Variants in CTNNA2 observed in about 807,000 individuals in gnomAD.
The protein encoded by CTNNA2 is catenin alpha 2.
Under a neutral mutation model 101.0 loss-of-function variants are expected in CTNNA2, and 42 were observed. That is an observed-to-expected ratio of 0.42 (90% confidence interval 0.32 to 0.54). The LOEUF is 0.54. Ranked by LOEUF, CTNNA2 falls within the 20% of genes least tolerant of loss-of-function variation. The pLI is 0.14. For synonymous variants in CTNNA2, 450 were observed against 456.4 expected (o/e 0.99, Z 0.18); for missense variants, 871 against 1,223.1 (o/e 0.71, Z 4.29).
At chr2:80,530,520 C>T (rs1485432525) in intron 9 of CTNNA2, among the ~76,000 whole-genome samples, 1 of 152,138 alleles carries the variant, frequency 6.6e-6, no homozygotes, top group Admixed American at 6.6e-5. Flanking sequence ...GGGAGACCTT[C>T]CTGATGGGTT....
At chr2:80,629,189 TATATC>T (rs1386399925) in intron 18 of CTNNA2, among the ~76,000 whole-genome samples, 2 of 152,060 alleles carry the variant, frequency 1.3e-5, no homozygotes, top group African/African-American at 2.4e-5. Flanking sequence ...CTCCGGTTCT[TATATC>T]ATGTCTACCC....
chr2:80,581,469 A>G (rs1280854041), intron 13 of CTNNA2, among the ~76,000 whole-genome samples: 2 of 152,202 alleles, frequency 1.3e-5, no homozygotes, highest in Non-Finnish European at 2.9e-5. Context: ...TGCAAGTTAG[A>G]CTTACTATAC....
chr2:79,581,860 T>A (rs1676166902), intron 1 of CTNNA2, among the ~76,000 whole-genome samples: 1 of 152,262 alleles, frequency 6.6e-6, no homozygotes. Context: ...ACATTTTGTT[T>A]CTTTCTTAAT....
intron 3 of CTNNA2, among the ~76,000 whole-genome samples, chr2:79,350,815 C>T (rs1291118594): frequency 6.6e-6 from 1 of 152,092 alleles, no homozygotes; most frequent in African/African-American, 2.4e-5. Context: ...TTTTGACTTA[C>T]TAATAATCGT....
intron 7 of CTNNA2, among the ~76,000 whole-genome samples, chr2:79,961,638 C>T (rs957687623): frequency 3.3e-5 from 5 of 151,458 alleles, no homozygotes; most frequent in African/African-American, 9.7e-5. Context: ...CTGGCTAACA[C>T]GGTGAAACCC....
chr2:80,481,791 C>T (rs145757102), intron 9 of CTNNA2, among the ~76,000 whole-genome samples: 36 of 152,106 alleles, frequency 2.4e-4, no homozygotes, highest in Middle Eastern at 3.4e-3. Flanking sequence ...AGGTTTAATG[C>T]CTCCTTTTAA....
chr2:79,610,191 G>A (rs531626464), intron 1 of CTNNA2, among the ~76,000 whole-genome samples: 163 of 152,016 alleles, frequency 1.1e-3, no homozygotes, highest in Non-Finnish European at 1.8e-3. Context: ...TGGTCACTAA[G>A]GATATGTAAA....
chr2:80,246,456 T>C (rs1671336768), intron 7 of CTNNA2, among the ~76,000 whole-genome samples: 1 of 152,198 alleles, frequency 6.6e-6, no homozygotes, highest in African/African-American at 2.4e-5. Flanking sequence ...TAATGAAAAC[T>C]GAACAAATGA....
In CTNNA2 at chr2:80,374,674, C is replaced by CGT. The variant is rs1190055398; in HGVS notation, c.1057-18535_1057-18534dup. On this transcript the variant is annotated intron_variant, in intron 7 of 18. Coordinates refer to ENST00000402739, the MANE Select transcript of CTNNA2 (RefSeq NM_001282597.3). ...CCTCACACTGTCTTTCCTCTGCGTG[C>CGT]GTGCGTGCGTGTGTGTGTGTGTGTG... Among the ~76,000 whole-genome samples, 7 of 117,720 alleles carry CGT rather than the reference C, an allele frequency of 5.9e-5. No individual in the cohort carries two copies. In the East Asian group the frequency reaches 1.0e-3, roughly 17 times the overall value. 77.2% of individuals were successfully genotyped at this position (117,720 alleles called of 152,430 possible). A position where few individuals can be genotyped will look rare whatever the true frequency, so the allele number is the denominator to read the frequency against.
chr2:80,060,092 A>T (rs2104373402), intron 7 of CTNNA2, among the ~76,000 whole-genome samples: 1 of 152,344 alleles, frequency 6.6e-6, no homozygotes, highest in African/African-American at 2.4e-5. Flanking sequence ...TGGGAGAGTC[A>T]TGCCAAGGAT....
At chr2:79,696,483 G>A (rs150535293) in intron 2 of CTNNA2, among the ~76,000 whole-genome samples, 2 of 152,096 alleles carry the variant, frequency 1.3e-5, no homozygotes, top group East Asian at 1.9e-4. Flanking sequence ...AAATGTTTAC[G>A]GTTGGCATGG....
At chr2:80,557,068 T>C (rs1413180848) in intron 12 of CTNNA2, among the ~76,000 whole-genome samples, 1 of 152,214 alleles carries the variant, frequency 6.6e-6, no homozygotes, top group Non-Finnish European at 1.5e-5. Flanking sequence ...ACACAATACA[T>C]AAACACAGGT....
intron 2 of CTNNA2, among the ~76,000 whole-genome samples, chr2:79,294,583 C>A (rs958735387): frequency 2.6e-5 from 4 of 152,134 alleles, no homozygotes; most frequent in African/African-American, 4.8e-5. Flanking sequence ...TCACATGGTA[C>A]TAACAAGATA....
intron 3 of CTNNA2, among the ~76,000 whole-genome samples, chr2:79,346,902 A>C (rs566222936): frequency 2.0e-4 from 31 of 152,158 alleles, no homozygotes; most frequent in Non-Finnish European, 1.2e-4. Flanking sequence ...AATGTTTTGC[A>C]TCTCTCTAGA....
intron 16 of CTNNA2, chr2:80,605,167 T>C (rs1004606973): frequency 7.9e-5 from 12 of 152,010 alleles, no homozygotes; most frequent in Non-Finnish European, 7.4e-5. Flanking sequence ...TCACCTTGAA[T>C]GTTTATTTCC....
chr2:79,710,732 G>A (rs1379876188), intron 2 of CTNNA2, among the ~76,000 whole-genome samples: 1 of 152,156 alleles, frequency 6.6e-6, no homozygotes, highest in African/African-American at 2.4e-5. Flanking sequence ...TGTGTGTGAT[G>A]TGTGTCTGTG....
chr2:80,259,455 G>A (rs1326599650), intron 7 of CTNNA2, among the ~76,000 whole-genome samples: 2 of 152,168 alleles, frequency 1.3e-5, no homozygotes, highest in Non-Finnish European at 2.9e-5. Flanking sequence ...GAGGTCACAG[G>A]AGCCCCTGAG....
intron 1 of CTNNA2, chr2:79,636,910 C>T (rs749962558): frequency 1.2e-4 from 18 of 152,122 alleles, no homozygotes; most frequent in Non-Finnish European, 2.1e-4. Flanking sequence ...TCCCCGAGAC[C>T]ATGATAATCT....
At chr2:80,472,460 T>C (rs901456692) in intron 9 of CTNNA2, among the ~76,000 whole-genome samples, 6 of 152,186 alleles carry the variant, frequency 3.9e-5, no homozygotes, top group African/African-American at 1.4e-4. Flanking sequence ...GAAGATGGTA[T>C]CTTGGCACCC....
Sources: gnomAD v4.1 joint callset for allele counts (sites outside exome capture counted in the v4.1 genomes callset) on GRCh38, gnomAD v4.1.1 for gene constraint, MANE v1.5 for transcripts, NCBI Gene and HGNC (gene_info 2026-07-23, HGNC 2026-07-21) for gene names.